Variants in ZFPM2 observed in about 807,000 individuals in gnomAD.
The protein encoded by ZFPM2 is zinc finger protein, FOG family member 2, also known as zinc finger protein ZFPM2.
A neutral mutation model predicts 98.6 loss-of-function variants in ZFPM2; 20 were observed. That is an observed-to-expected ratio of 0.20 (90% CI 0.14 to 0.29). The LOEUF is 0.29. Among genes scored for constraint, ZFPM2 ranks in the 10% least tolerant of loss-of-function variants. The pLI, the probability that ZFPM2 is intolerant of heterozygous loss-of-function variation, is 1.00. For missense variants in ZFPM2, 1,310 were observed against 1,388.6 expected, an observed-to-expected ratio of 0.94 and a Z score of 0.90; for synonymous variants, 518 against 502.7, an observed-to-expected ratio of 1.03 and a Z score of -0.41.
At chr8:105,572,197 C>G (rs1307366692) in intron 4 of ZFPM2, among the ~76,000 whole-genome samples, 2 of 151,814 alleles carry the variant, frequency 1.3e-5, no homozygotes, top group Non-Finnish European at 2.9e-5. Flanking sequence ...GCCACCACAC[C>G]TGGCTAATTT....
At chr8:105,625,277 GT>G (rs1011570895) in intron 4 of ZFPM2, among the ~76,000 whole-genome samples, 7 of 151,896 alleles carry the variant, frequency 4.6e-5, no homozygotes, top group African/African-American at 1.7e-4. Flanking sequence ...CTTTGATAAT[GT>G]TTTAAGAAGT....
At chr8:105,351,493 T>G (rs1812645803) in intron 1 of ZFPM2, among the ~76,000 whole-genome samples, 1 of 152,060 alleles carries the variant, frequency 6.6e-6, no homozygotes, top group Non-Finnish European at 1.5e-5. Flanking sequence ...ACTAGAATTT[T>G]TAGGTGCAAA....
intron 5 of ZFPM2, among the ~76,000 whole-genome samples, chr8:105,776,747 T>C (rs1281610377): frequency 6.6e-6 from 1 of 152,204 alleles, no homozygotes; most frequent in Non-Finnish European, 1.5e-5. Context: ...TATGCTTTTA[T>C]TTCCTGGTAT....
At chr8:105,456,407 T>C (rs951256157) in intron 3 of ZFPM2, among the ~76,000 whole-genome samples, 2 of 151,990 alleles carry the variant, frequency 1.3e-5, no homozygotes, top group African/African-American at 4.8e-5. Flanking sequence ...ACATATAAAA[T>C]ATTTATTGTC....
intron 5 of ZFPM2, among the ~76,000 whole-genome samples, chr8:105,761,944 A>G (rs1453380549): frequency 6.6e-6 from 1 of 151,990 alleles, no homozygotes; most frequent in African/African-American, 2.4e-5. Flanking sequence ...TAGGAAAAGC[A>G]TTTAAGAAAC....
chr8:105,436,426 A>G lies in ZFPM2; in HGVS notation c.200-7854A>G, dbSNP rs1459846954. On this transcript the variant is annotated intron_variant, in intron 2 of 7. Transcript: ENST00000407775. ...CCCAGCTACTTGGGAAGGCTGAAGC[A>G]GGAGAATCGCTTGAGGCAGAGGTTT... 6.6e-5 allele frequency among the ~76,000 whole-genome samples: 10 copies of G among 151,638 alleles called. No homozygotes were observed. In the East Asian group the frequency reaches 1.9e-3, roughly 29 times the overall value.
At chr8:105,705,935 A>T (rs963997342) in intron 5 of ZFPM2, among the ~76,000 whole-genome samples, 1 of 152,196 alleles carries the variant, frequency 6.6e-6, no homozygotes, top group African/African-American at 2.4e-5. Flanking sequence ...ATGTGGAATA[A>T]GTTACCCCAA....
At chr8:105,561,569 A>G (rs1815138430) in intron 4 of ZFPM2, 88 bp downstream of exon 4, 2 of 1,040,914 alleles carry the variant, frequency 1.9e-6, no homozygotes, top group Non-Finnish European at 2.8e-6. Context: ...CTTGCTTTCC[A>G]ATGAAATCAC....
chr8:105,478,875 G>A (rs1322412750), intron 3 of ZFPM2, among the ~76,000 whole-genome samples: 4 of 152,170 alleles, frequency 2.6e-5, no homozygotes, highest in Non-Finnish European at 5.9e-5. Flanking sequence ...TCTGGGTGAG[G>A]ATTTCGTGGA....
chr8:105,464,330 T>C (rs2130316363), intron 3 of ZFPM2, among the ~76,000 whole-genome samples: 1 of 152,234 alleles, frequency 6.6e-6, no homozygotes, highest in South Asian at 2.1e-4. Context: ...TATATGCTTA[T>C]CATTATTTTA....
intron 5 of ZFPM2, among the ~76,000 whole-genome samples, chr8:105,646,857 T>C (rs963216172): frequency 6.6e-6 from 1 of 152,138 alleles, no homozygotes; most frequent in Non-Finnish European, 1.5e-5. Flanking sequence ...AATTCAGATG[T>C]CATATTAGCA....
chr8:105,329,913 C>A (rs1033773144), intron 1 of ZFPM2, among the ~76,000 whole-genome samples: 4 of 151,582 alleles, frequency 2.6e-5, no homozygotes, highest in African/African-American at 9.7e-5. Context: ...TAATGGAAAT[C>A]CCCAAATTCT....
intron 4 of ZFPM2, among the ~76,000 whole-genome samples, chr8:105,604,297 C>A (rs1586144095): frequency 6.6e-6 from 1 of 152,036 alleles, no homozygotes; most frequent in African/African-American, 2.4e-5. Context: ...CCGACCACTT[C>A]CCACCACTTC....
At chr8:105,560,042 A>G (rs2343592) in intron 3 of ZFPM2, among the ~76,000 whole-genome samples, 46,024 of 151,782 alleles carry the variant, frequency 0.3, 7,184 homozygotes, top group African/African-American at 0.39. Context: ...ACCCTGCTCT[A>G]CTAAAAATAC....
chr8:105,342,128 A>G (rs1304553526), intron 1 of ZFPM2, among the ~76,000 whole-genome samples: 1 of 152,040 alleles, frequency 6.6e-6, no homozygotes, highest in Non-Finnish European at 1.5e-5. Context: ...ACATCTCTAC[A>G]CTTAATAATG....
At chr8:105,598,201 GGCTTGCTTGCGCGGA>G (rs1417901822) in intron 4 of ZFPM2, among the ~76,000 whole-genome samples, 1 of 151,898 alleles carries the variant, frequency 6.6e-6, no homozygotes, top group African/African-American at 2.4e-5. Flanking sequence ...CTTGCAACAG[GGCTTGCTTGCGCGGA>G]GTCCAGCAGT....
At chr8:105,500,479 A>AT (rs1272197862) in intron 3 of ZFPM2, among the ~76,000 whole-genome samples, 1 of 152,036 alleles carries the variant, frequency 6.6e-6, no homozygotes, top group Non-Finnish European at 1.5e-5. Flanking sequence ...GTATGTTATA[A>AT]TTTTTTCCAA....
chr8:105,606,002 T>C (rs1204543277), intron 4 of ZFPM2, among the ~76,000 whole-genome samples: 2 of 152,124 alleles, frequency 1.3e-5, no homozygotes, highest in African/African-American at 4.8e-5. Flanking sequence ...TGGAAGTGAC[T>C]GGTCATTTGG....
rs866178491 is a variant in ZFPM2 at position 105,336,696 on chromosome 8, A to T, written c.40+17715A>T. ...TTAAAATGTAATATACTCCACACACACACACACACACACACACACACACAC... is the reference window on the plus strand; with the variant it reads ...TTAAAATGTAATATACTCCACACACTCACACACACACACACACACACACAC... On this transcript the variant is annotated intron_variant, in intron 1 of 7. Coordinates refer to ENST00000407775, the MANE Select transcript of ZFPM2 (RefSeq NM_012082.4). 7.6e-3 allele frequency among the ~76,000 whole-genome samples: 1,093 copies of T among 144,638 alleles called. 8 individuals are homozygous for T. The highest frequency in any genetic ancestry group is 0.018 in the African/African-American group (663 of 37,472). The allele number at this position is 144,638 out of a possible 152,430, so 94.9% of individuals were successfully genotyped here.
Sources: gnomAD v4.1 joint callset for allele counts (sites outside exome capture counted in the v4.1 genomes callset) on GRCh38, gnomAD v4.1.1 for gene constraint, MANE v1.5 for transcripts, NCBI Gene and HGNC (gene_info 2026-07-23, HGNC 2026-07-21) for gene names.